ZNF544: variants seen among roughly 807,000 people sequenced by gnomAD.
ZNF544 encodes the protein zinc finger protein AF020591.
ZNF544 carries 10 observed loss-of-function variants against 13.5 expected under a neutral mutation model. The observed-to-expected ratio is 0.74, with a 90% CI of 0.46 to 1.25. The LOEUF (loss-of-function observed/expected upper bound fraction) is 1.25. Ranked by LOEUF, ZNF544 falls within the 50% of genes most tolerant of loss-of-function variation. The pLI, the probability that ZNF544 is intolerant of heterozygous loss-of-function variation, is 0.00. For missense variants in ZNF544, 896 were observed against 845.6 expected, an observed-to-expected ratio of 1.06 and a Z score of -0.74; for synonymous variants, 323 against 300.5, an observed-to-expected ratio of 1.07 and a Z score of -0.77.
Position 58,257,149 on chromosome 19 carries a change from C to G in ZNF544, c.245-3702C>G, listed in dbSNP as rs2147483644. The stretch of plus-strand genomic sequence containing the variant: ...TGTTAGCCAGTATGGTCTCGATCTC[C>G]TGACCTCGTGATCCACCCGCCTCGG... On this transcript the variant is annotated intron_variant, in intron 6 of 6. Transcript: ENST00000687789. 5 of 152,266 alleles carry G rather than the reference C, an allele frequency of 3.3e-5. No individual in the cohort carries two copies. The Middle Eastern group carries it at 0.017, about 511-fold the overall frequency. The allele number at this position is 152,266 out of a possible 1,614,324, so 9.4% of individuals were successfully genotyped here. A position where few individuals can be genotyped will look rare whatever the true frequency, so the allele number is the denominator to read the frequency against.
At chr19:58,236,070 A>C (rs1199051782) in intron 3 of ZNF544, among the ~76,000 whole-genome samples, 6 of 147,914 alleles carry the variant, frequency 4.1e-5, no homozygotes, top group Admixed American at 6.8e-5. Context: ...CAAAAAAAAA[A>C]CAAAAAAACA....
At chr19:58,274,561 T>A (rs2051070618) in intron 5 of ZNF544, among the ~76,000 whole-genome samples, 1 of 152,190 alleles carries the variant, frequency 6.6e-6, no homozygotes, top group Non-Finnish European at 1.5e-5. Flanking sequence ...GACTTCTGGC[T>A]TCCACAACTG....
downstream of ZNF544, among the ~76,000 whole-genome samples, chr19:58,265,798 G>A (rs1392042597): frequency 1.3e-5 from 2 of 151,030 alleles, no homozygotes; most frequent in Admixed American, 1.3e-4. Context: ...ATGTTGCCCA[G>A]GCTGGTCTTG....
At chr19:58,236,744 CTTTT>C (rs112780440) in intron 3 of ZNF544, among the ~76,000 whole-genome samples, 1 of 139,866 alleles carries the variant, frequency 7.1e-6, no homozygotes, top group African/African-American at 2.6e-5. Flanking sequence ...TTCTGTGAAA[CTTTT>C]TTTTTTTTTT....
chr19:58,244,865 C>T (rs904703299), intron 4 of ZNF544, among the ~76,000 whole-genome samples: 1 of 152,180 alleles, frequency 6.6e-6, no homozygotes, highest in Non-Finnish European at 1.5e-5. Context: ...GCGTGAGCCA[C>T]CATGCGCAGC....
At chr19:58,252,641 T>C (rs1260277465) in intron 6 of ZNF544, among the ~76,000 whole-genome samples, 1 of 152,234 alleles carries the variant, frequency 6.6e-6, no homozygotes, top group African/African-American at 2.4e-5. Flanking sequence ...TTTTGGCACC[T>C]TTTGTATACA....
At chr19:58,234,938 C>T (rs749539889) in intron 3 of ZNF544, among the ~76,000 whole-genome samples, 3 of 152,170 alleles carry the variant, frequency 2.0e-5, no homozygotes, top group Non-Finnish European at 4.4e-5. Context: ...TCTAGAAATG[C>T]ATTATGGTGA....
At position 58,246,339 on chromosome 19, in the gene ZNF544, A is replaced by G; in HGVS notation, c.72A>G (p.Thr24=). 1 of 1,614,048 alleles carries G rather than the reference A, an allele frequency of 6.2e-7. No homozygotes were observed. The change falls in exon 5 of 7, where the codon ACA becomes ACG. Residue 24 remains threonine, a synonymous_variant. Transcript: ENST00000687789. ...VCFEDVAMAF[T]QEEWEQLDLA... is the part of the protein sequence containing the mutation. The stretch of plus-strand genomic sequence containing the variant: ...TCGAGGATGTGGCTATGGCATTCAC[A>G]CAGGAGGAGTGGGAACAGCTGGACC...
At chr19:58,240,100 A>G (rs879880748) in intron 3 of ZNF544, among the ~76,000 whole-genome samples, 1 of 152,068 alleles carries the variant, frequency 6.6e-6, no homozygotes, top group African/African-American at 2.4e-5. Flanking sequence ...TTATGTAGGC[A>G]TGGAGCCTAT....
intron 6 of ZNF544, chr19:58,247,584 T>C (rs1048082152): frequency 2.6e-5 from 4 of 151,636 alleles, no homozygotes; most frequent in Admixed American, 1.3e-4. Context: ...TTATTAGAGG[T>C]GGGGTTTCTC....
chr19:58,235,589 T>G (rs557542804), intron 3 of ZNF544, among the ~76,000 whole-genome samples: 1 of 152,346 alleles, frequency 6.6e-6, no homozygotes, highest in African/African-American at 2.4e-5. Context: ...GCTTGAAAAT[T>G]GCTAAGAAAG....
intron 3 of ZNF544, among the ~76,000 whole-genome samples, chr19:58,238,628 T>G (rs8111498): frequency 0.088 from 13,356 of 152,160 alleles, 1,301 homozygotes; most frequent in African/African-American, 0.23. Flanking sequence ...GAGGGTCTGC[T>G]GTGCGCTCAG....
chr19:58,229,297 GGGTGGGAC>G (rs2040660568), intron 1 of ZNF544, 163 bp from the exon 2 acceptor site: 2 of 135,724 alleles, frequency 1.5e-5, no homozygotes, highest in African/African-American at 7.3e-5. Context: ...GGGTGGGACT[GGGTGGGAC>G]TGGGTGGGAC....
At position 58,236,498 on chromosome 19, in the gene ZNF544, G is replaced by A. The variant is rs564754823; in HGVS notation, c.-60+6036G>A. Among the ~76,000 whole-genome samples the A allele has an allele frequency of 5.4e-4, 74 of 136,206 alleles. 1 individual carries two copies. The highest frequency in any genetic ancestry group is 1.0e-3 in the Non-Finnish European group (68 of 64,990). The allele number at this position is 136,206 out of a possible 152,430, so 89.4% of individuals were successfully genotyped here. On this transcript the variant is annotated intron_variant, in intron 3 of 6. Coordinates refer to ENST00000687789, the MANE Select transcript of ZNF544 (RefSeq NM_014480.4). Reference sequence around the variant, plus strand: ...GCCTGGGCAACAAGAGTGAAACTGTGTCTCAAAAAAAAAAAAAAAGAAAGA... The same window carrying A: ...GCCTGGGCAACAAGAGTGAAACTGTATCTCAAAAAAAAAAAAAAAGAAAGA...
Position 58,263,061 on chromosome 19 carries a change from A to G in ZNF544, c.*307A>G, listed in dbSNP as rs1053564904. ...CAACTTACTAGGCAGCAGAGAATTC[A>G]TACTGGAGAGAAGCCCTGTGAATGT... On this transcript the variant is annotated 3_prime_UTR_variant, in exon 7 of 7. Transcript: ENST00000687789. 4 of 1,119,916 alleles carry G rather than the reference A, an allele frequency of 3.6e-6. No homozygotes were observed. The highest frequency in any genetic ancestry group is 4.4e-6 in the Non-Finnish European group (4 of 912,778). 69.4% of individuals were successfully genotyped at this position (1,119,916 alleles called of 1,614,324 possible).
At chr19:58,273,624 A>G (rs1245241960) in intron 5 of ZNF544, among the ~76,000 whole-genome samples, 1 of 147,780 alleles carries the variant, frequency 6.8e-6, no homozygotes, top group East Asian at 2.1e-4. Context: ...CGGGAGGTGG[A>G]GATTGCAGTG....
Position 58,261,198 on chromosome 19 carries a change from T to G in ZNF544, c.592T>G (p.Ser198Ala). 6.2e-7 allele frequency: 1 copy of G among 1,614,122 alleles called. No homozygotes were observed. The highest frequency in any genetic ancestry group is 8.5e-7 in the Non-Finnish European group (1 of 1,180,036). ...NSQVKELKQN[S>A]AFINHEKNGA... ...ACAAGTTAAAGAGTTGAAACAAAAT[T>G]CAGCTTTCATTAATCATGAGAAAAA... Residue 198 changes from serine (S) to alanine (A), a missense_variant, in exon 7 of 7, where the codon TCA becomes GCA. Physicochemically the swap from Ser to Ala is moderately conservative, Grantham distance 99. Transcript: ENST00000687789.
chr19:58,263,182 C>T lies in ZNF544; in HGVS notation c.*428C>T, dbSNP rs137913257. On this transcript the variant is annotated 3_prime_UTR_variant, in exon 7 of 7. Coordinates refer to ENST00000687789, the MANE Select transcript of ZNF544 (RefSeq NM_014480.4). ...ACTCTATGAATAACCAAGATGGAGC[C>T]GGGTGCAGTTGCCAACACTTGTAAT... 8.2e-4 allele frequency: 817 copies of T among 995,446 alleles called. 1 individual carries two copies. Among genetic ancestry groups the T allele is most frequent in the African/African-American group, 4.4e-3 (251 of 57,454 alleles). 61.7% of individuals were successfully genotyped at this position (995,446 alleles called of 1,614,324 possible).
chr19:58,257,585 G>A (rs1009292119), intron 6 of ZNF544: 1 of 152,202 alleles, frequency 6.6e-6, no homozygotes, highest in African/African-American at 2.4e-5. Flanking sequence ...AGAAAGTTGG[G>A]GGGAGTTGCA....
Sources: gnomAD v4.1 joint callset for allele counts (sites outside exome capture counted in the v4.1 genomes callset) on GRCh38, gnomAD v4.1.1 for gene constraint, MANE v1.5 for transcripts, NCBI Gene and HGNC (gene_info 2026-07-23, HGNC 2026-07-21) for gene names.